The following IL1RAPL1 variants were observed in gnomAD, a reference collection of about 807,000 sequenced individuals.
The protein encoded by IL1RAPL1 is interleukin-1 receptor accessory protein-like 1.
Under a neutral mutation model 48.4 loss-of-function variants are expected in IL1RAPL1, and 3 were observed. That is an observed-to-expected ratio of 0.06 (90% CI 0.03 to 0.16). The LOEUF (loss-of-function observed/expected upper bound fraction) is 0.16. IL1RAPL1 is among the 10% of genes least tolerant of loss of function. IL1RAPL1 has a pLI of 1.00. For synonymous variants in IL1RAPL1, 185 were observed against 187.7 expected, an observed-to-expected ratio of 0.99 and a Z score of 0.12; for missense variants, 349 against 530.6, an observed-to-expected ratio of 0.66 and a Z score of 3.36.
intron 1 of IL1RAPL1, among the ~76,000 whole-genome samples, chrX:28,751,333 C>T (rs948115843): frequency 5.4e-5 from 6 of 111,622 alleles, no homozygotes; most frequent in African/African-American, 2.0e-4. Context: ...CTTCTAGAGT[C>T]TGCTACTTAA....
At chrX:28,882,358 A>G (rs2361557) in intron 2 of IL1RAPL1, among the ~76,000 whole-genome samples, 37,675 of 110,556 alleles carry the variant, frequency 0.34, 4,815 homozygotes, top group African/African-American at 0.43. Flanking sequence ...CCAAAATGAA[A>G]GAGAGGCCGG....
intron 5 of IL1RAPL1, among the ~76,000 whole-genome samples, chrX:29,575,297 C>A (rs1922739040): frequency 9.0e-6 from 1 of 111,681 alleles, no homozygotes; most frequent in Non-Finnish European, 1.9e-5. Context: ...AAGTCAAAGT[C>A]CCCAAAAGTC....
At chrX:29,146,234 C>T (rs1209696677) in intron 2 of IL1RAPL1, among the ~76,000 whole-genome samples, 1 of 111,419 alleles carries the variant, frequency 9.0e-6, no homozygotes, top group African/African-American at 3.3e-5. Context: ...ACAATCACTG[C>T]AGGAACACTC....
At chrX:29,119,649 C>A (rs1266303544) in intron 2 of IL1RAPL1, among the ~76,000 whole-genome samples, 1 of 111,119 alleles carries the variant, frequency 9.0e-6, no homozygotes, top group East Asian at 2.8e-4. Flanking sequence ...ATTGACGAAT[C>A]TTTGGAGGCT....
intron 8 of IL1RAPL1, among the ~76,000 whole-genome samples, chrX:29,932,775 A>G (rs989512334): frequency 9.2e-6 from 1 of 108,434 alleles, no homozygotes; most frequent in Admixed American, 9.7e-5. Context: ...AGCTCTTATT[A>G]TTATTATTTA....
In IL1RAPL1 at chrX:29,711,069, T is replaced by TATATACACACACACACAC. The variant is rs1555913970; in HGVS notation, c.778+42566_778+42567insTATACACACACACACACA. ...GTGTGTGTGTGTGTGTGTGTGTGTA[T>TATATACACACACACACAC]ACACACACACACACACACACAGATA... On this transcript the variant is annotated intron_variant, in intron 6 of 10. Coordinates refer to ENST00000378993, the MANE Select transcript of IL1RAPL1 (RefSeq NM_014271.4). Among the ~76,000 whole-genome samples, 3 of 86,449 alleles carry TATATACACACACACACAC rather than the reference T, an allele frequency of 3.5e-5. No homozygotes were observed. In the South Asian group the frequency reaches 2.1e-3, roughly 61 times the overall value. 75.1% of individuals were successfully genotyped at this position (86,449 alleles called of 115,157 possible).
At chrX:29,243,618 A>G (rs1007418724) in intron 2 of IL1RAPL1, among the ~76,000 whole-genome samples, 1 of 112,204 alleles carries the variant, frequency 8.9e-6, no homozygotes, top group Non-Finnish European at 1.9e-5. Flanking sequence ...AAACGAAGCT[A>G]CACAACTTTC....
intron 2 of IL1RAPL1, among the ~76,000 whole-genome samples, chrX:28,960,171 T>C (rs752433094): frequency 5.4e-5 from 6 of 111,910 alleles, no homozygotes; most frequent in Non-Finnish European, 1.1e-4. Flanking sequence ...TATTTGTCAT[T>C]TTACAGATGA....
intron 6 of IL1RAPL1, among the ~76,000 whole-genome samples, chrX:29,833,430 A>G: frequency 9.0e-6 from 1 of 110,962 alleles, no homozygotes; most frequent in South Asian, 3.8e-4. Flanking sequence ...TCTCTAAGTG[A>G]TCTTACTGTT....
Position 29,374,761 on chromosome X carries a change from A to G in IL1RAPL1, c.363-21497A>G, listed in dbSNP as rs370583479. The stretch of plus-strand genomic sequence containing the variant: ...CCTACAGGGTTCTGCAAGCTCAGTA[A>G]TAGATGTTGTTGAAGAAGAAATATA... On this transcript the variant is annotated intron_variant, in intron 3 of 10. Coordinates refer to ENST00000378993, the MANE Select transcript of IL1RAPL1 (RefSeq NM_014271.4). Among the ~76,000 whole-genome samples the G allele has an allele frequency of 7.9e-4, 87 of 109,943 alleles. No individual in the cohort carries two copies. The East Asian group carries it at 0.023, about 29-fold the overall frequency.
chrX:29,544,390 C>T (rs781370236), intron 5 of IL1RAPL1, among the ~76,000 whole-genome samples: 52 of 112,104 alleles, frequency 4.6e-4, no homozygotes, highest in Non-Finnish European at 8.1e-4. Flanking sequence ...ATCTAACCTA[C>T]TTAGAATTCA....
chrX:28,815,835 TTATGTATATATATA>T (rs1569178975), intron 2 of IL1RAPL1, among the ~76,000 whole-genome samples: 3 of 27,690 alleles, frequency 1.1e-4, no homozygotes, highest in African/African-American at 1.6e-4. Flanking sequence ...GTATGTGTGT[TTATGTATATATATA>T]TATATATATA....
At chrX:29,378,378 C>G (rs771412183) in intron 3 of IL1RAPL1, among the ~76,000 whole-genome samples, 2 of 110,905 alleles carry the variant, frequency 1.8e-5, no homozygotes, top group Non-Finnish European at 3.8e-5. Flanking sequence ...TCATTTTAGT[C>G]GTGTCAGGCT....
At chrX:29,171,133 A>T (rs1442346692) in intron 2 of IL1RAPL1, among the ~76,000 whole-genome samples, 2 of 110,917 alleles carry the variant, frequency 1.8e-5, no homozygotes, top group Non-Finnish European at 3.8e-5. Flanking sequence ...AGTAGCTGGG[A>T]TTACAGATGC....
chrX:28,772,898 A>C (rs1442419297), intron 1 of IL1RAPL1, among the ~76,000 whole-genome samples: 1 of 111,573 alleles, frequency 9.0e-6, no homozygotes, highest in Non-Finnish European at 1.9e-5. Flanking sequence ...TGTGGAAAAG[A>C]ACTCCAACCT....
intron 5 of IL1RAPL1, among the ~76,000 whole-genome samples, chrX:29,453,631 T>TG (rs1318559672): frequency 1.8e-5 from 2 of 111,370 alleles, no homozygotes; most frequent in Admixed American, 1.9e-4. Context: ...TGACATCATC[T>TG]GGGGGAGCTT....
intron 3 of IL1RAPL1, among the ~76,000 whole-genome samples, chrX:29,326,873 T>G (rs1342887187): frequency 1.8e-5 from 2 of 112,332 alleles, no homozygotes. Context: ...TGTCCTTTCC[T>G]GTATAACCGT....
chrX:28,690,898 T>C (rs1171842122), intron 1 of IL1RAPL1, among the ~76,000 whole-genome samples: 1 of 111,434 alleles, frequency 9.0e-6, no homozygotes, highest in African/African-American at 3.3e-5. Flanking sequence ...CTCACTTCTA[T>C]TCACTTCTCT....
intron 3 of IL1RAPL1, among the ~76,000 whole-genome samples, chrX:29,332,771 T>C (rs1341673061): frequency 9.0e-6 from 1 of 110,706 alleles, no homozygotes; most frequent in Non-Finnish European, 1.9e-5. Context: ...GGTCTCTGGT[T>C]TTCCTAGGCA....
Sources: gnomAD v4.1 joint callset for allele counts (sites outside exome capture counted in the v4.1 genomes callset) on GRCh38, gnomAD v4.1.1 for gene constraint, MANE v1.5 for transcripts, NCBI Gene and HGNC (gene_info 2026-07-23, HGNC 2026-07-21) for gene names.